The following NAALADL2 variants were observed in gnomAD, a reference collection of about 807,000 sequenced individuals.
The protein encoded by NAALADL2 is N-acetylated alpha-linked acidic dipeptidase like 2, also known as inactive N-acetylated-alpha-linked acidic dipeptidase-like protein 2.
NAALADL2 carries 76 observed loss-of-function variants against 87.2 expected under a neutral mutation model. That is an observed-to-expected ratio of 0.87 (90% CI 0.72 to 1.05). The LOEUF is 1.05. Ranked by LOEUF, NAALADL2 falls within the 50% of genes least tolerant of loss-of-function variation. The probability of loss-of-function intolerance (pLI) is 0.00; values close to 1 mark genes in which losing one functional copy is unlikely to be tolerated. For missense variants in NAALADL2, 1,089 were observed against 945.8 expected (o/e 1.15, Z -1.99); for synonymous variants, 354 against 331.0 (o/e 1.07, Z -0.75).
At chr3:174,510,798 T>A (rs772626996) in intron 1 of NAALADL2, among the ~76,000 whole-genome samples, 2 of 142,714 alleles carry the variant, frequency 1.4e-5, no homozygotes, top group African/African-American at 4.9e-5. Context: ...TTAAGCAAGA[T>A]GATTTAAGAG....
intron 3 of NAALADL2, among the ~76,000 whole-genome samples, chr3:174,812,217 A>T (rs916732844): frequency 3.3e-5 from 5 of 152,132 alleles, no homozygotes; most frequent in Non-Finnish European, 7.4e-5. Context: ...TCATGAGTCT[A>T]TTTATATAGA....
At chr3:174,507,972 T>TA (rs1245140184) in intron 1 of NAALADL2, among the ~76,000 whole-genome samples, 1 of 152,084 alleles carries the variant, frequency 6.6e-6, no homozygotes, top group Admixed American at 6.5e-5. Context: ...CTTTATAAAA[T>TA]AAAAAACTGC....
chr3:175,618,119 A>G (rs2149690614), intron 10 of NAALADL2, among the ~76,000 whole-genome samples: 1 of 152,260 alleles, frequency 6.6e-6, no homozygotes, highest in East Asian at 1.9e-4. Context: ...AAAGTAACAT[A>G]TTGTCCTTTC....
chr3:174,750,576 G>C (rs1305929619), intron 3 of NAALADL2, among the ~76,000 whole-genome samples: 1 of 151,996 alleles, frequency 6.6e-6, no homozygotes, highest in African/African-American at 2.4e-5. Context: ...TGGGATTAAA[G>C]GTGTGCGCCA....
intron 13 of NAALADL2, among the ~76,000 whole-genome samples, chr3:175,780,078 T>G (rs527658274): frequency 6.6e-6 from 1 of 151,336 alleles, no homozygotes. Flanking sequence ...ACCATCCTGG[T>G]TAACACGGTG....
chr3:174,654,062 G>T (rs1274934075), intron 2 of NAALADL2, among the ~76,000 whole-genome samples: 3 of 66,274 alleles, frequency 4.5e-5, no homozygotes, highest in Non-Finnish European at 8.8e-5. Flanking sequence ...AGATGGCTTT[G>T]TGTGTGTGTG....
intron 3 of NAALADL2, among the ~76,000 whole-genome samples, chr3:174,839,982 C>T (rs1483077597): frequency 6.6e-6 from 1 of 151,994 alleles, no homozygotes; most frequent in African/African-American, 2.4e-5. Context: ...ACCATTTGAT[C>T]CAGCAATCCC....
rs566214224 is a variant in NAALADL2, at chr3:175,742,687, G to A, written c.1990+5288G>A. Among the ~76,000 whole-genome samples, 23 of 152,098 alleles carry A rather than the reference G, an allele frequency of 1.5e-4. No homozygotes were observed. In the South Asian group the frequency reaches 1.7e-3, roughly 11 times the overall value. On this transcript the variant is annotated intron_variant, in intron 12 of 13. Transcript: ENST00000454872. ...ACTGGGATTACAGGCGTGAGCCACC[G>A]CGCCCGGCCCTATGTAATGTAAGTT...
chr3:175,334,112 C>A (rs568143750), intron 5 of NAALADL2, among the ~76,000 whole-genome samples: 32 of 152,238 alleles, frequency 2.1e-4, no homozygotes, highest in Non-Finnish European at 4.0e-4. Flanking sequence ...CTAGAGTCAG[C>A]CATTTCTCCA....
intron 2 of NAALADL2, among the ~76,000 whole-genome samples, chr3:174,724,824 A>C (rs1732034998): frequency 6.6e-6 from 1 of 152,154 alleles, no homozygotes; most frequent in African/African-American, 2.4e-5. Context: ...GAAATGGTAG[A>C]GTGTATACTA....
At chr3:175,331,434 A>C (rs1761387009) in intron 5 of NAALADL2, among the ~76,000 whole-genome samples, 1 of 152,204 alleles carries the variant, frequency 6.6e-6, no homozygotes, top group African/African-American at 2.4e-5. Flanking sequence ...TCAACAGTAC[A>C]TCAGAAAGAT....
At position 175,013,039 on chromosome 3, in the gene NAALADL2, T is replaced by C. The variant is rs186824704; in HGVS notation, c.44-83751T>C. On this transcript the variant is annotated intron_variant, in intron 1 of 13. Coordinates refer to ENST00000454872, the MANE Select transcript of NAALADL2 (RefSeq NM_207015.3). ...TAATATATAAATATATATAAATATA[T>C]AATATATACATAAATATATACACAT... is the stretch of plus-strand genomic sequence containing the variant. Among the ~76,000 whole-genome samples the C allele has an allele frequency of 2.5e-3, 297 of 117,188 alleles. 20 individuals are homozygous for C. The highest frequency in any genetic ancestry group is 6.3e-3 in the East Asian group (24 of 3,824). The allele number at this position is 117,188 out of a possible 152,430, so 76.9% of individuals were successfully genotyped here. A position where few individuals can be genotyped will look rare whatever the true frequency, so the allele number is the denominator to read the frequency against.
At chr3:174,614,926 T>G (rs639372) in intron 2 of NAALADL2, among the ~76,000 whole-genome samples, 98,556 of 151,960 alleles carry the variant, frequency 0.65, 33,147 homozygotes, top group East Asian at 0.87. Flanking sequence ...ATAATGAACT[T>G]TTCTCCAGTA....
At chr3:175,432,084 AAAG>A (rs1717851602) in intron 5 of NAALADL2, among the ~76,000 whole-genome samples, 1 of 152,080 alleles carries the variant, frequency 6.6e-6, no homozygotes. Flanking sequence ...TTGAAAGCTA[AAAG>A]AAGTAGACTC....
intron 1 of NAALADL2, among the ~76,000 whole-genome samples, chr3:175,032,884 C>A (rs1752960924): frequency 6.6e-6 from 1 of 151,942 alleles, no homozygotes; most frequent in African/African-American, 2.4e-5. Context: ...TCACTGCTTT[C>A]AACTATAGCA....
At chr3:175,682,694 T>C (rs1735752802) in intron 11 of NAALADL2, among the ~76,000 whole-genome samples, 1 of 152,040 alleles carries the variant, frequency 6.6e-6, no homozygotes, top group Admixed American at 6.5e-5. Context: ...TCAGTATTTG[T>C]TATTTTTGGT....
In NAALADL2 at chr3:175,268,187, C is replaced by T. The variant is rs116425816; in HGVS notation, c.939+11657C>T. 3.2e-3 allele frequency among the ~76,000 whole-genome samples: 487 copies of T among 152,166 alleles called. 1 individual carries two copies. Among genetic ancestry groups the T allele is most frequent in the Non-Finnish European group, 5.8e-3 (393 of 68,014 alleles). ...CAAACTTAGATGGTGTAGCCTACTG[C>T]GTATCTAGTCTATAAGGTATAGCCT... On this transcript the variant is annotated intron_variant, in intron 4 of 13. Transcript: ENST00000454872.
chr3:174,960,313 A>G (rs1741791791), intron 1 of NAALADL2, among the ~76,000 whole-genome samples: 1 of 152,110 alleles, frequency 6.6e-6, no homozygotes, highest in African/African-American at 2.4e-5. Context: ...AAAATATCAT[A>G]GTTGATAAAC....
At chr3:174,561,523 C>T (rs548902289) in intron 2 of NAALADL2, among the ~76,000 whole-genome samples, 27 of 152,106 alleles carry the variant, frequency 1.8e-4, no homozygotes, top group African/African-American at 6.5e-4. Context: ...TTAACTCAGG[C>T]CAGGGTGGTC....
Sources: allele counts gnomAD v4.1 joint callset (sites outside exome capture counted in the v4.1 genomes callset), GRCh38; gene constraint gnomAD v4.1.1; transcripts MANE v1.5; gene names NCBI Gene and HGNC (gene_info 2026-07-23, HGNC 2026-07-21).